Variants in SLC30A7 observed in about 807,000 individuals in gnomAD.
SLC30A7 encodes the protein solute carrier family 30 member 7.
SLC30A7 carries 35 observed loss-of-function variants against 46.0 expected under a neutral mutation model. That is an observed-to-expected ratio of 0.76 (90% CI 0.58 to 1.01). SLC30A7 has a LOEUF of 1.01. SLC30A7 is among the 50% of genes least tolerant of loss of function. The probability of loss-of-function intolerance (pLI) is 0.00; values close to 1 mark genes in which losing one functional copy is unlikely to be tolerated. For synonymous variants in SLC30A7, 147 were observed against 157.8 expected (o/e 0.93, Z 0.51); for missense variants, 464 against 451.1 (o/e 1.03, Z -0.26).
chr1:100,934,721 T>A (rs1653851113), intron 8 of SLC30A7, among the ~76,000 whole-genome samples: 1 of 151,336 alleles, frequency 6.6e-6, no homozygotes, highest in African/African-American at 2.4e-5. Flanking sequence ...CTTGTGTAGC[T>A]CTTCATTTTT....
the SLC30A7 span, chr1:100,995,160 T>TA: frequency 3.2e-6 from 5 of 1,548,392 alleles, no homozygotes; most frequent in Admixed American, 1.7e-5. Context: ...CTGTAGGAAG[T>TA]AAAAATAGTT....
At chr1:100,995,332 A>G in the SLC30A7 span, 1 of 464,208 alleles carries the variant, frequency 2.2e-6, no homozygotes, top group Non-Finnish European at 3.9e-6. Flanking sequence ...ACTAGTTAGA[A>G]AACAAACATG....
At chr1:100,934,479 C>A (rs1653836951) in intron 8 of SLC30A7, among the ~76,000 whole-genome samples, 1 of 151,920 alleles carries the variant, frequency 6.6e-6, no homozygotes, top group Non-Finnish European at 1.5e-5. Flanking sequence ...GCTCTATTAT[C>A]CAGATAAACT....
intron 8 of SLC30A7, among the ~76,000 whole-genome samples, chr1:100,957,060 G>T (rs1476865427): frequency 6.6e-6 from 1 of 152,154 alleles, no homozygotes; most frequent in African/African-American, 2.4e-5. Flanking sequence ...TTGCTACATG[G>T]TTGGCATATA....
intron 8 of SLC30A7, among the ~76,000 whole-genome samples, chr1:100,959,270 A>G (rs1334704125): frequency 6.6e-6 from 1 of 152,188 alleles, no homozygotes; most frequent in Non-Finnish European, 1.5e-5. Context: ...TTTTATGTAG[A>G]TTAGTCTAAC....
At chr1:100,971,087 T>G (rs1039782786) in intron 10 of SLC30A7, among the ~76,000 whole-genome samples, 4 of 152,102 alleles carry the variant, frequency 2.6e-5, no homozygotes, top group Non-Finnish European at 5.9e-5. Context: ...TGCTCTATTC[T>G]CTGTCCTCAA....
intron 2 of SLC30A7, among the ~76,000 whole-genome samples, chr1:100,899,284 T>C (rs941757620): frequency 6.6e-6 from 1 of 152,194 alleles, no homozygotes; most frequent in Non-Finnish European, 1.5e-5. Context: ...ATAATTAATG[T>C]ATGGAATTAC....
chr1:100,951,706 C>G (rs962110103), intron 8 of SLC30A7, among the ~76,000 whole-genome samples: 2 of 152,200 alleles, frequency 1.3e-5, no homozygotes, highest in Non-Finnish European at 2.9e-5. Flanking sequence ...AACTCAGACC[C>G]TCCTCTGGCC....
chr1:100,913,617 A>G, intron 5 of SLC30A7, 46 bp from the exon 6 acceptor site: 2 of 1,410,174 alleles, frequency 1.4e-6, no homozygotes, highest in African/African-American at 1.4e-5. Context: ...AACCATTTAT[A>G]TAATATATTT....
chr1:100,910,040 C>T (rs746465060), intron 3 of SLC30A7, among the ~76,000 whole-genome samples: 16 of 152,016 alleles, frequency 1.1e-4, no homozygotes, highest in Non-Finnish European at 2.1e-4. Flanking sequence ...TGCATTATTT[C>T]TGGCATAGAA....
intron 8 of SLC30A7, among the ~76,000 whole-genome samples, chr1:100,944,525 C>T (rs1245841771): frequency 2.6e-5 from 4 of 151,658 alleles, no homozygotes; most frequent in African/African-American, 9.7e-5. Flanking sequence ...TTTTGTTATA[C>T]TTTAAGTTCT....
chr1:100,987,181 A>G, the SLC30A7 span, among the ~76,000 whole-genome samples: 1 of 152,122 alleles, frequency 6.6e-6, no homozygotes, highest in South Asian at 2.1e-4. Context: ...CTTGGTTTTC[A>G]TCAGTTTTAC....
the SLC30A7 span, among the ~76,000 whole-genome samples, chr1:100,988,841 C>CT: frequency 1.3e-5 from 2 of 151,660 alleles, no homozygotes; most frequent in Non-Finnish European, 2.9e-5. Context: ...CAGAGTGAGA[C>CT]TGTGTCTCAA....
chr1:100,917,966 G>T, intron 6 of SLC30A7, 111 bp from the exon 7 acceptor site: 4 of 717,180 alleles, frequency 5.6e-6, no homozygotes, highest in Non-Finnish European at 9.4e-6. Context: ...GTTTGATATG[G>T]CTATATAGCC....
intron 8 of SLC30A7, among the ~76,000 whole-genome samples, chr1:100,955,820 A>C (rs1655191294): frequency 6.6e-6 from 1 of 152,078 alleles, no homozygotes; most frequent in Non-Finnish European, 1.5e-5. Context: ...ATTATTATAG[A>C]AATTGGCCTT....
intron 3 of SLC30A7, among the ~76,000 whole-genome samples, chr1:100,907,994 A>C (rs555068160): frequency 7.3e-5 from 11 of 150,730 alleles, no homozygotes; most frequent in South Asian, 4.2e-4. Context: ...TTTATCTGTC[A>C]GGCTCAATCT....
the SLC30A7 span, among the ~76,000 whole-genome samples, chr1:100,987,668 CTT>C: frequency 1.1e-4 from 16 of 140,982 alleles, no homozygotes; most frequent in South Asian, 6.8e-4. Flanking sequence ...GTTGTCTGCT[CTT>C]TTTTTTTTTT....
At chr1:100,909,338 A>G (rs1024784295) in intron 3 of SLC30A7, among the ~76,000 whole-genome samples, 1 of 152,140 alleles carries the variant, frequency 6.6e-6, no homozygotes, top group Non-Finnish European at 1.5e-5. Flanking sequence ...TTCTTTATAT[A>G]AAAGTCATCT....
the SLC30A7 span, among the ~76,000 whole-genome samples, chr1:100,993,559 A>AATAAATAT: frequency 1.8e-4 from 10 of 56,546 alleles, 1 homozygote; most frequent in Non-Finnish European, 1.4e-4. Flanking sequence ...CGAAAATATA[A>AATAAATAT]ATATATATAT....
Sources: allele counts gnomAD v4.1 joint callset (sites outside exome capture counted in the v4.1 genomes callset), GRCh38; gene constraint gnomAD v4.1.1; transcripts MANE v1.5; gene names NCBI Gene and HGNC (gene_info 2026-07-23, HGNC 2026-07-21).